TRAF1: variants seen among roughly 807,000 people sequenced by gnomAD.
TRAF1 encodes the protein TNF receptor-associated factor 1.
TRAF1 carries 23 observed loss-of-function variants against 40.9 expected under a neutral mutation model. The observed-to-expected ratio is 0.56, with a 90% CI of 0.40 to 0.80. The LOEUF (loss-of-function observed/expected upper bound fraction) is 0.80. TRAF1 is among the 30% of genes least tolerant of loss of function. The pLI, the probability that TRAF1 is intolerant of heterozygous loss-of-function variation, is 0.00. For synonymous variants in TRAF1, 206 were observed against 218.8 expected (o/e 0.94, Z 0.52); for missense variants, 477 against 528.7 (o/e 0.90, Z 0.96).
intron 7 of TRAF1, among the ~76,000 whole-genome samples, chr9:120,908,007 C>G (rs553373309): frequency 1.4e-4 from 22 of 152,310 alleles, no homozygotes; most frequent in African/African-American, 5.3e-4. Flanking sequence ...ATCTTCCCAC[C>G]TAAGCCTCCC....
rs908208799 is a variant in TRAF1 at position 120,906,000 on chromosome 9, G to A, written c.1033-762C>T. 1.7e-4 allele frequency among the ~76,000 whole-genome samples: 9 copies of A among 52,550 alleles called. No individual in the cohort carries two copies. The Admixed American group carries it at 2.3e-3, about 13-fold the overall frequency. 34.5% of individuals were successfully genotyped at this position (52,550 alleles called of 152,430 possible). A position where few individuals can be genotyped will look rare whatever the true frequency, so the allele number is the denominator to read the frequency against. On this transcript the variant is annotated intron_variant, in intron 7 of 7. Transcript: ENST00000373887. ...CTCCCCAGCACCTTTGGGAACTGCC[G>A]GGGGTAGGAGAACCTACTGACTCAC...
At position 120,914,248 on chromosome 9, in the gene TRAF1, C is replaced by T. The variant is rs754547994; in HGVS notation, c.281G>A (p.Gly94Asp). Reference protein sequence around the residue: ...AGIGCPFAGVGCSFKGSPQSV... With the variant: ...AGIGCPFAGVDCSFKGSPQSV... The stretch of plus-strand genomic sequence containing the variant: ...TCAGATGCTTACCTTGAAGGAGCAG[C>T]CGACACCTGCAAAGGGGCACCCAAT... Residue 94 changes from glycine (G) to aspartate (D), a missense_variant, in exon 4 of 8, where the codon GGC (glycine) becomes GAC (aspartate). Transcript: ENST00000373887. The T allele has an allele frequency of 5.2e-6, 8 of 1,539,482 alleles. No homozygotes were observed. Among genetic ancestry groups the T allele is most frequent in the South Asian group, 4.9e-5 (4 of 80,976 alleles).
chr9:120,914,824 A>T (rs876445), intron 3 of TRAF1, among the ~76,000 whole-genome samples: 104,351 of 152,018 alleles, frequency 0.69, 36,108 homozygotes, highest in South Asian at 0.82. Context: ...GATAACATCC[A>T]GCCTGAGGGA....
At chr9:120,922,174 C>G (rs951456736) in intron 3 of TRAF1, among the ~76,000 whole-genome samples, 51 of 152,310 alleles carry the variant, frequency 3.3e-4, no homozygotes, top group Middle Eastern at 3.4e-3. Flanking sequence ...GGTCTCAGGG[C>G]CCCGTGTGTA....
intron 5 of TRAF1, among the ~76,000 whole-genome samples, chr9:120,912,138 T>C (rs1210897085): frequency 6.6e-6 from 1 of 152,056 alleles, no homozygotes; most frequent in African/African-American, 2.4e-5. Context: ...TAAAGAAAAT[T>C]TAATCGTTAA....
rs768598718 is a variant in TRAF1 at position 120,905,012 on chromosome 9, C to A, written c.*8G>T. ...TGAGTTGGAGCTCCCTCAGGAGCCCCGCCCACCCTAAGTGCTGGTCTCCAC... is the reference window on the plus strand; with the variant it reads ...TGAGTTGGAGCTCCCTCAGGAGCCCAGCCCACCCTAAGTGCTGGTCTCCAC... On this transcript the variant is annotated 3_prime_UTR_variant, in exon 8 of 8. Transcript: ENST00000373887. 1 of 1,610,470 alleles carries A rather than the reference C, an allele frequency of 6.2e-7. No individual in the cohort carries two copies. The highest frequency in any genetic ancestry group is 1.7e-5 in the Admixed American group (1 of 59,602).
At chr9:120,914,630 T>G in intron 3 of TRAF1, 2 of 1,014,240 alleles carry the variant, frequency 2.0e-6, no homozygotes, top group Non-Finnish European at 1.2e-6. Context: ...CATGGCTGTG[T>G]TCCCAGTGCT....
intron 7 of TRAF1, among the ~76,000 whole-genome samples, chr9:120,906,954 C>T (rs2046487657): frequency 6.6e-6 from 1 of 152,118 alleles, no homozygotes; most frequent in South Asian, 2.1e-4. Context: ...CTGCAACCTC[C>T]ACCTCCTGAG....
intron 7 of TRAF1, among the ~76,000 whole-genome samples, chr9:120,907,333 G>T (rs997914721): frequency 6.6e-6 from 1 of 152,154 alleles, no homozygotes; most frequent in Non-Finnish European, 1.5e-5. Flanking sequence ...CCACTGTCTG[G>T]ATGCACCACA....
upstream of TRAF1, chr9:120,928,863 G>C (rs7028641): frequency 0.66 from 100,777 of 152,162 alleles, 33,533 homozygotes; most frequent in South Asian, 0.82. Context: ...CAGTTGCGAG[G>C]GCAGCGCTGG....
upstream of TRAF1, chr9:120,928,673 C>T (rs2131639892): frequency 6.6e-6 from 1 of 152,412 alleles, no homozygotes; most frequent in South Asian, 2.1e-4. Context: ...CCAGACCCCA[C>T]TCCCACGGGA....
At chr9:120,906,470 T>C (rs953027409) in intron 7 of TRAF1, among the ~76,000 whole-genome samples, 3 of 152,152 alleles carry the variant, frequency 2.0e-5, no homozygotes, top group Non-Finnish European at 2.9e-5. Context: ...TGCGCCACCA[T>C]ACCCGGCAAA....
chr9:120,919,257 A>C (rs1371661585), intron 3 of TRAF1, among the ~76,000 whole-genome samples: 2 of 152,188 alleles, frequency 1.3e-5, no homozygotes, highest in Admixed American at 6.5e-5. Flanking sequence ...TCCTCCGAGG[A>C]GGAGACAGAA....
At chr9:120,919,473 C>T (rs1019990913) in intron 3 of TRAF1, among the ~76,000 whole-genome samples, 2 of 152,146 alleles carry the variant, frequency 1.3e-5, no homozygotes, top group African/African-American at 2.4e-5. Context: ...AGCATGAGTG[C>T]CACCTCTGCA....
chr9:120,913,294 C>A (rs368288292), intron 5 of TRAF1, 34 bp downstream of exon 5: 4 of 1,564,446 alleles, frequency 2.6e-6, no homozygotes, highest in South Asian at 1.2e-5. Flanking sequence ...GGGGCTCAGC[C>A]GGGCTTGAAG....
chr9:120,915,485 T>G (rs1333603377), intron 3 of TRAF1, among the ~76,000 whole-genome samples: 1 of 152,148 alleles, frequency 6.6e-6, no homozygotes, highest in Admixed American at 6.5e-5. Context: ...AAGGCTTGTA[T>G]CCAGAATATA....
rs1479137571 is a variant in TRAF1, at chr9:120,902,868, G to A, written c.*2152C>T. Reference sequence around the variant, plus strand: ...ATCTTGCCTTTCTCCCTTCAATGTCGAACACAGTTAACAGGTGCAGGTGTC... The same window carrying A: ...ATCTTGCCTTTCTCCCTTCAATGTCAAACACAGTTAACAGGTGCAGGTGTC... On this transcript the variant is annotated 3_prime_UTR_variant, in exon 8 of 8. Coordinates refer to ENST00000373887, the MANE Select transcript of TRAF1 (RefSeq NM_005658.5). The A allele has an allele frequency of 1.3e-5, 2 of 152,076 alleles. No individual in the cohort carries two copies. The highest frequency in any genetic ancestry group is 4.8e-5 in the African/African-American group (2 of 41,344). 9.4% of individuals were successfully genotyped at this position (152,076 alleles called of 1,614,324 possible). A position where few individuals can be genotyped will look rare whatever the true frequency, so the allele number is the denominator to read the frequency against.
rs34119250 is a variant in TRAF1, at chr9:120,925,939, G to C, written c.137C>G (p.Pro46Arg). 16 of 1,613,754 alleles carry C rather than the reference G, an allele frequency of 9.9e-6. No homozygotes were observed. The highest frequency in any genetic ancestry group is 1.7e-5 in the Admixed American group (1 of 60,000). Residue 46 changes from proline to arginine, a missense_variant, in exon 2 of 8, where the codon CCG becomes CGG. By Grantham distance (103) the Pro-to-Arg change is moderately radical. Transcript: ENST00000373887. Reference protein sequence around the residue: ...LCCAGCLSENPRNGEDQICPK... With the variant: ...LCCAGCLSENRRNGEDQICPK... ...CTCCGCTCCTCCATCACCTCACCTC[G>C]GGTTCTCAGAGAGACAGCCTGCACA...
intron 2 of TRAF1, among the ~76,000 whole-genome samples, chr9:120,924,382 C>T (rs748101474): frequency 6.6e-6 from 1 of 152,026 alleles, no homozygotes; most frequent in African/African-American, 2.4e-5. Flanking sequence ...ATGGGTAACA[C>T]CTGGGTACCC....
Sources: gnomAD v4.1 joint callset for allele counts (sites outside exome capture counted in the v4.1 genomes callset) on GRCh38, gnomAD v4.1.1 for gene constraint, MANE v1.5 for transcripts, NCBI Gene and HGNC (gene_info 2026-07-23, HGNC 2026-07-21) for gene names.